Variants in KATNAL2 observed in about 807,000 individuals in gnomAD.
The protein encoded by KATNAL2 is katanin catalytic subunit A1 like 2.
In KATNAL2, 52 loss-of-function variants were observed where a neutral mutation model predicts 76.3. The observed-to-expected ratio is 0.68, with a 90% CI of 0.55 to 0.86. The LOEUF (loss-of-function observed/expected upper bound fraction) is 0.86. KATNAL2 is among the 40% of genes least tolerant of loss of function. KATNAL2 has a pLI of 0.00. For missense variants in KATNAL2, 660 were observed against 668.9 expected (o/e 0.99, Z 0.15); for synonymous variants, 243 against 244.2 (o/e 1.00, Z 0.05).
At position 47,101,184 on chromosome 18, in the gene KATNAL2, T is replaced by C. The variant is rs2063433427; in HGVS notation, c.*179T>C. The C allele has an allele frequency of 1.6e-6, 1 of 640,384 alleles. No individual in the cohort carries two copies. Among genetic ancestry groups the C allele is most frequent in the African/African-American group, 1.8e-5 (1 of 54,896 alleles). The allele number at this position is 640,384 out of a possible 1,614,324, so 39.7% of individuals were successfully genotyped here. ...AGATATATTTATTAACTTACCATTA[T>C]CGATGTCAGCAAAATATTGAGAGTT... On this transcript the variant is annotated 3_prime_UTR_variant, in exon 18 of 18. Transcript: ENST00000683218.
chr18:46,949,240 T>C (rs906030855), intron 3 of KATNAL2, among the ~76,000 whole-genome samples: 1 of 151,842 alleles, frequency 6.6e-6, no homozygotes, highest in African/African-American at 2.4e-5. Flanking sequence ...TCCTTCTCCT[T>C]TTCCTTTTCT....
intron 6 of KATNAL2, among the ~76,000 whole-genome samples, chr18:47,057,275 T>C (rs769669891): frequency 1.2e-4 from 19 of 152,224 alleles, no homozygotes; most frequent in Non-Finnish European, 2.5e-4. Flanking sequence ...ACAAAAGTGC[T>C]AAGAGAACTA....
At chr18:47,094,518 G>A (rs2063142985) in intron 15 of KATNAL2, among the ~76,000 whole-genome samples, 1 of 152,120 alleles carries the variant, frequency 6.6e-6, no homozygotes, top group Non-Finnish European at 1.5e-5. Context: ...ACAGATGTAG[G>A]TCTTCTTGGC....
intron 3 of KATNAL2, among the ~76,000 whole-genome samples, chr18:46,959,741 T>C (rs569522046): frequency 3.3e-5 from 5 of 152,226 alleles, no homozygotes; most frequent in Admixed American, 3.3e-4. Flanking sequence ...GCCCGGCTAA[T>C]TTTTGTATTT....
At chr18:47,034,604 C>T (rs2060667671) in intron 3 of KATNAL2, 1 of 1,614,066 alleles carries the variant, frequency 6.2e-7, no homozygotes, top group Non-Finnish European at 8.5e-7. Flanking sequence ...CTGTGGCTCA[C>T]AACGGCTTTC....
At chr18:46,933,727 T>C (rs1306204560) in intron 1 of KATNAL2, among the ~76,000 whole-genome samples, 2 of 146,712 alleles carry the variant, frequency 1.4e-5, no homozygotes, top group Non-Finnish European at 3.0e-5. Context: ...GCCATGTTGG[T>C]GTGCTGCACC....
At position 47,032,662 on chromosome 18, in the gene KATNAL2, C is replaced by T. The variant is rs184041970; in HGVS notation, c.52-13795C>T. The T allele has an allele frequency of 3.9e-4, 140 of 360,780 alleles. 1 individual carries two copies. The East Asian group carries it at 5.8e-3, about 15-fold the overall frequency. The allele number at this position is 360,780 out of a possible 1,614,324, so 22.3% of individuals were successfully genotyped here. ...TAAGAAGTTCTTATCTACTTGATTT[C>T]GAAAAAAAAAAGAAAGGAAAAAGGA... On this transcript the variant is annotated intron_variant, in intron 3 of 17. Transcript: ENST00000683218.
At chr18:46,943,966 C>A (rs1213327821) in intron 1 of KATNAL2, among the ~76,000 whole-genome samples, 1 of 152,158 alleles carries the variant, frequency 6.6e-6, no homozygotes, top group East Asian at 1.9e-4. Context: ...TTTTTCTTCC[C>A]TCTTGTATCT....
chr18:47,073,860 G>A (rs749792198), intron 13 of KATNAL2, among the ~76,000 whole-genome samples: 11 of 152,214 alleles, frequency 7.2e-5, no homozygotes, highest in Admixed American at 2.0e-4. Context: ...CCCTATGAGT[G>A]GAAAGAGCAA....
intron 1 of KATNAL2, among the ~76,000 whole-genome samples, chr18:46,930,581 C>T (rs1206905146): frequency 1.3e-5 from 2 of 152,058 alleles, no homozygotes; most frequent in Non-Finnish European, 2.9e-5. Context: ...TATGGGAGGC[C>T]GAGGCAGGTG....
At chr18:47,081,208 C>T (rs2062502888) in intron 15 of KATNAL2, among the ~76,000 whole-genome samples, 1 of 151,974 alleles carries the variant, frequency 6.6e-6, no homozygotes, top group Non-Finnish European at 1.5e-5. Flanking sequence ...ATGTGTGTCT[C>T]ATTTCCCAAG....
At chr18:47,071,977 T>C (rs1436372430) in intron 13 of KATNAL2, among the ~76,000 whole-genome samples, 2 of 120,520 alleles carry the variant, frequency 1.7e-5, no homozygotes, top group Non-Finnish European at 3.4e-5. Flanking sequence ...TTTTTTTTTT[T>C]TTTTTTTTTT....
chr18:47,042,710 G>GA (rs767308652), intron 3 of KATNAL2, among the ~76,000 whole-genome samples: 16 of 151,908 alleles, frequency 1.1e-4, no homozygotes, highest in East Asian at 3.9e-4. Context: ...AACACTGTGG[G>GA]AAAAAAAGTC....
At chr18:47,041,856 T>G (rs1282140066) in intron 3 of KATNAL2, among the ~76,000 whole-genome samples, 1 of 152,246 alleles carries the variant, frequency 6.6e-6, no homozygotes, top group Admixed American at 6.5e-5. Context: ...TTTCTGTTGC[T>G]CTACATCCTC....
In KATNAL2 at chr18:46,919,474, G is replaced by A. The variant is rs1306721027; in HGVS notation, c.-510+1548G>A. 4.1e-5 allele frequency among the ~76,000 whole-genome samples: 6 copies of A among 146,182 alleles called. No individual in the cohort carries two copies. In the East Asian group the frequency reaches 1.0e-3, roughly 25 times the overall value. On this transcript the variant is annotated intron_variant, in intron 1 of 17. Coordinates refer to ENST00000683218, the MANE Select transcript of KATNAL2 (RefSeq NM_001387690.1). Reference sequence around the variant, plus strand: ...GCACTCCAGCCTGGGCAACAAAAGCGAAACTCCATCTCAAAAAAAAAAAAA... The same window carrying A: ...GCACTCCAGCCTGGGCAACAAAAGCAAAACTCCATCTCAAAAAAAAAAAAA...
intron 7 of KATNAL2, 26 bp from the exon 8 acceptor site, chr18:47,059,530 A>G (rs201744921): frequency 2.9e-4 from 435 of 1,520,546 alleles, no homozygotes; most frequent in Non-Finnish European, 1.9e-4. Context: ...CTCACAGCCG[A>G]TGTGTCCTTG....
At chr18:47,051,897 T>TGAAA (rs958577559) in intron 4 of KATNAL2, among the ~76,000 whole-genome samples, 14 of 152,032 alleles carry the variant, frequency 9.2e-5, no homozygotes, top group Admixed American at 3.3e-4. Flanking sequence ...AGACCTTGTC[T>TGAAA]GAAAGAAAGA....
intron 15 of KATNAL2, among the ~76,000 whole-genome samples, chr18:47,092,875 A>C (rs1027500989): frequency 2.0e-5 from 3 of 152,118 alleles, no homozygotes; most frequent in African/African-American, 7.2e-5. Context: ...AGTACATGGG[A>C]GGTAATTTTT....
At chr18:46,941,183 G>A (rs546359580) in intron 1 of KATNAL2, among the ~76,000 whole-genome samples, 1 of 151,966 alleles carries the variant, frequency 6.6e-6, no homozygotes. Context: ...AATTAGTCAG[G>A]TGAGATGGCA....
Sources: gnomAD v4.1 joint callset for allele counts (sites outside exome capture counted in the v4.1 genomes callset) on GRCh38, gnomAD v4.1.1 for gene constraint, MANE v1.5 for transcripts, NCBI Gene and HGNC (gene_info 2026-07-23, HGNC 2026-07-21) for gene names.